The following SEPTIN9 variants were observed in gnomAD, a reference collection of about 807,000 sequenced individuals.
SEPTIN9 encodes the protein septin-9.
Under a neutral mutation model 56.6 loss-of-function variants are expected in SEPTIN9, and 13 were observed. The observed-to-expected ratio is 0.23, with a 90% CI of 0.15 to 0.37. The LOEUF is 0.37. SEPTIN9 is among the 10% of genes least tolerant of loss of function. The pLI is 1.00. For missense variants in SEPTIN9, 650 were observed against 823.1 expected, an observed-to-expected ratio of 0.79 and a Z score of 2.57; for synonymous variants, 332 against 334.1, an observed-to-expected ratio of 0.99 and a Z score of 0.07.
At chr17:77,312,734 T>G (rs2032552530) in intron 2 of SEPTIN9, among the ~76,000 whole-genome samples, 1 of 152,168 alleles carries the variant, frequency 6.6e-6, no homozygotes, top group Admixed American at 6.5e-5. Flanking sequence ...AGAGTAGCAT[T>G]TCTCCGTTTG....
chr17:77,314,196 A>C, intron 2 of SEPTIN9, among the ~76,000 whole-genome samples: 1 of 140,138 alleles, frequency 7.1e-6, no homozygotes, highest in Non-Finnish European at 1.6e-5. Flanking sequence ...TTTTTTTTTG[A>C]GGTGGAGTCT....
chr17:77,326,746 G>C lies in SEPTIN9; in HGVS notation c.76+19549G>C, dbSNP rs559133779. On this transcript the variant is annotated intron_variant, in intron 2 of 11. Coordinates refer to ENST00000427177, the MANE Select transcript of SEPTIN9 (RefSeq NM_001113491.2). This position sits in a 1 kb window ranked among gnomAD's most constrained non-coding sequence, Gnocchi z 5.1. ...CAGCTTCAGGATGGTTCCCAGGGAA[G>C]ACCAGGTAGAATCACAAGGTTCAGC... Among the ~76,000 whole-genome samples the C allele has an allele frequency of 7.9e-5, 12 of 152,296 alleles. No individual in the cohort carries two copies. Among genetic ancestry groups the C allele is most frequent in the African/African-American group, 2.4e-4 (10 of 41,566 alleles).
At chr17:77,306,985 T>TG (rs916290566) in intron 1 of SEPTIN9, among the ~76,000 whole-genome samples, 156 bp from the exon 2 acceptor site, 1 of 152,188 alleles carries the variant, frequency 6.6e-6, no homozygotes, top group African/African-American at 2.4e-5. Flanking sequence ...CAGGGTTACC[T>TG]GGGGGAGTAG....
At chr17:77,287,659 T>G (rs2031340335) in intron 1 of SEPTIN9, among the ~76,000 whole-genome samples, 1 of 152,188 alleles carries the variant, frequency 6.6e-6, no homozygotes, top group Non-Finnish European at 1.5e-5. Flanking sequence ...ACCCTGGGCA[T>G]GGGCCCATTT....
At chr17:77,353,646 C>T (rs1286809829) in intron 2 of SEPTIN9, among the ~76,000 whole-genome samples, 1 of 152,148 alleles carries the variant, frequency 6.6e-6, no homozygotes, top group African/African-American at 2.4e-5. Flanking sequence ...GGGCCTCCAG[C>T]ATCAGGCCCC....
chr17:77,474,490 A>T lies in SEPTIN9; in HGVS notation c.722-7654A>T, dbSNP rs72887174. Among the ~76,000 whole-genome samples the T allele has an allele frequency of 8.6e-3, 1,306 of 152,312 alleles. 7 individuals are homozygous for T. The highest frequency in any genetic ancestry group is 0.012 in the South Asian group (59 of 4,828). On this transcript the variant is annotated intron_variant, in intron 3 of 11. Coordinates refer to ENST00000427177, the MANE Select transcript of SEPTIN9 (RefSeq NM_001113491.2). ...TGGCAACTTTCCCTGGCTGGCGGGT[A>T]GAATCTTCTCCTGGCAGTTCAGGGC...
At chr17:77,440,382 C>T (rs745488949) in intron 3 of SEPTIN9, among the ~76,000 whole-genome samples, 1 of 152,112 alleles carries the variant, frequency 6.6e-6, no homozygotes, top group African/African-American at 2.4e-5. Flanking sequence ...CTCGAACTCC[C>T]GACTTCAGGT....
chr17:77,402,848 T>G lies in SEPTIN9; in HGVS notation c.721+145T>G. 2.6e-6 allele frequency: 2 copies of G among 768,064 alleles called. No homozygotes were observed. The highest frequency in any genetic ancestry group is 3.0e-5 in the Admixed American group (1 of 33,730). The allele number at this position is 768,064 out of a possible 1,614,324, so 47.6% of individuals were successfully genotyped here. On this transcript the variant is annotated intron_variant, in intron 3 of 11. Coordinates refer to ENST00000427177, the MANE Select transcript of SEPTIN9 (RefSeq NM_001113491.2). This position sits in a 1 kb window ranked among gnomAD's most constrained non-coding sequence, Gnocchi z 6.6. The stretch of plus-strand genomic sequence containing the variant: ...CCAGAAAGACCGGAATGCATGGGGG[T>G]GGGGGTCTGCAAGCTCAGGAGAGGT...
At chr17:77,493,366 C>G (rs963239731) in intron 10 of SEPTIN9, 3 of 463,124 alleles carry the variant, frequency 6.5e-6, no homozygotes, top group Non-Finnish European at 1.2e-5. Context: ...CAGGCTCTTT[C>G]ATAGGCACCT....
chr17:77,346,333 C>A (rs943290917), intron 2 of SEPTIN9, among the ~76,000 whole-genome samples: 33 of 120,546 alleles, frequency 2.7e-4, no homozygotes, highest in African/African-American at 9.6e-4. Flanking sequence ...TAAGCACTTA[C>A]AGTTTCCCTC....
intron 3 of SEPTIN9, among the ~76,000 whole-genome samples, chr17:77,412,061 C>T (rs986901035): frequency 2.1e-5 from 3 of 143,364 alleles, no homozygotes; most frequent in African/African-American, 8.1e-5. Flanking sequence ...ACCCAGCAGG[C>T]AGAGGTTGCA....
chr17:77,314,101 T>C (rs2143627015), intron 2 of SEPTIN9, among the ~76,000 whole-genome samples: 1 of 151,964 alleles, frequency 6.6e-6, no homozygotes, highest in South Asian at 2.1e-4. Flanking sequence ...CCCGGGAAGC[T>C]GAGGCTGCAG....
intron 3 of SEPTIN9, among the ~76,000 whole-genome samples, chr17:77,455,345 G>A (rs947807140): frequency 2.6e-5 from 4 of 152,206 alleles, no homozygotes; most frequent in Non-Finnish European, 5.9e-5. Flanking sequence ...GTCCCGTCGA[G>A]CCTGGCTGGC....
chr17:77,390,002 C>T (rs1421780661), intron 2 of SEPTIN9, among the ~76,000 whole-genome samples: 1 of 152,040 alleles, frequency 6.6e-6, no homozygotes, highest in Non-Finnish European at 1.5e-5. Context: ...CTGCCGGAAC[C>T]AGGGGCACGC....
chr17:77,366,740 A>G (rs1420059695), intron 2 of SEPTIN9, among the ~76,000 whole-genome samples: 1 of 152,188 alleles, frequency 6.6e-6, no homozygotes, highest in Non-Finnish European at 1.5e-5. Context: ...TGGTATCATC[A>G]GAGCCAGCAG....
chr17:77,435,220 G>C lies in SEPTIN9; in HGVS notation c.721+32517G>C, dbSNP rs752348271. Among the ~76,000 whole-genome samples, 1 of 152,118 alleles carries C rather than the reference G, an allele frequency of 6.6e-6. No individual in the cohort carries two copies. Among genetic ancestry groups the C allele is most frequent in the Non-Finnish European group, 1.5e-5 (1 of 68,008 alleles). ...GGAGGGTCCGAATGCGGAAAGTCTG[G>C]CTTCAGTGCCCCCATCCCTAACCAC... On this transcript the variant is annotated intron_variant, in intron 3 of 11. Coordinates refer to ENST00000427177, the MANE Select transcript of SEPTIN9 (RefSeq NM_001113491.2). The surrounding 1 kb of genome is among the most constrained non-coding windows in gnomAD (Gnocchi z 4.5).
At chr17:77,376,391 C>T in intron 2 of SEPTIN9, 2 of 985,632 alleles carry the variant, frequency 2.0e-6, no homozygotes, top group South Asian at 9.4e-5. Flanking sequence ...TGTCTTGGTT[C>T]CTGCAAGGTA....
intron 1 of SEPTIN9, among the ~76,000 whole-genome samples, chr17:77,301,905 T>C (rs1383837590): frequency 2.6e-5 from 4 of 152,102 alleles, no homozygotes; most frequent in Non-Finnish European, 5.9e-5. Context: ...GGTGTCACCC[T>C]CCTCTGAGAC....
At chr17:77,458,176 C>T (rs1463815876) in intron 3 of SEPTIN9, among the ~76,000 whole-genome samples, 1 of 152,228 alleles carries the variant, frequency 6.6e-6, no homozygotes, top group Non-Finnish European at 1.5e-5. Flanking sequence ...TAGTCGCTTT[C>T]CACCCTGCTC....
Sources: allele counts gnomAD v4.1 joint callset (sites outside exome capture counted in the v4.1 genomes callset), GRCh38; gene constraint gnomAD v4.1.1; non-coding constraint Gnocchi (gnomAD v3.1); transcripts MANE v1.5; gene names NCBI Gene and HGNC (gene_info 2026-07-23, HGNC 2026-07-21).